The following LRRC37A2 variants were observed in gnomAD, a reference collection of about 807,000 sequenced individuals.
LRRC37A2 encodes the protein leucine-rich repeat-containing protein 37A2.
Under a neutral mutation model 68.8 loss-of-function variants are expected in LRRC37A2, and 9 were observed. The ratio of observed to expected loss-of-function variants is 0.13; its 90% confidence interval spans 0.08 to 0.23. The LOEUF (loss-of-function observed/expected upper bound fraction) is 0.23. Ranked by LOEUF, LRRC37A2 falls within the 10% of genes least tolerant of loss-of-function variation. LRRC37A2 has a pLI of 1.00. For missense variants in LRRC37A2, 168 were observed against 950.4 expected (o/e 0.18, Z 10.82); for synonymous variants, 63 against 367.6 (o/e 0.17, Z 9.48).
chr17:46,969,305 C>G, the LRRC37A2 span, among the ~76,000 whole-genome samples: 1 of 152,208 alleles, frequency 6.6e-6, no homozygotes, highest in Non-Finnish European at 1.5e-5. Flanking sequence ...TCCTTGTGCC[C>G]CCTGGGGGGC....
At chr17:46,768,309 T>C in the LRRC37A2 span, 2 of 1,613,256 alleles carry the variant, frequency 1.2e-6, no homozygotes, top group Admixed American at 3.3e-5. This position sits in a 1 kb window ranked among gnomAD's most constrained non-coding sequence, Gnocchi z 5.0. Context: ...CCCGGAGCCC[T>C]ACCTGGTGCC....
At chr17:46,838,676 A>G in the LRRC37A2 span, among the ~76,000 whole-genome samples, 6 of 152,124 alleles carry the variant, frequency 3.9e-5, no homozygotes, top group Non-Finnish European at 8.8e-5. Flanking sequence ...TAAAAAGTAC[A>G]TATACACACA....
the LRRC37A2 span, among the ~76,000 whole-genome samples, chr17:46,892,770 A>C: frequency 6.6e-6 from 1 of 152,244 alleles, no homozygotes; most frequent in African/African-American, 2.4e-5. Context: ...AAGGATGGAC[A>C]AAAAAAGGCA....
chr17:46,899,936 C>T, the LRRC37A2 span, among the ~76,000 whole-genome samples: 1 of 151,558 alleles, frequency 6.6e-6, no homozygotes, highest in African/African-American at 2.4e-5. Context: ...TATAGGGGTA[C>T]AACCTCAGCT....
the LRRC37A2 span, among the ~76,000 whole-genome samples, chr17:47,015,778 A>T: frequency 5.6e-4 from 85 of 152,238 alleles, no homozygotes; most frequent in East Asian, 6.9e-3. Flanking sequence ...GTAAAATAAT[A>T]ATTTTAATTC....
At chr17:46,823,202 A>G in the LRRC37A2 span, among the ~76,000 whole-genome samples, 6 of 131,616 alleles carry the variant, frequency 4.6e-5, no homozygotes, top group African/African-American at 5.9e-5. Flanking sequence ...ATATATTTAT[A>G]TATAATATAT....
the LRRC37A2 span, among the ~76,000 whole-genome samples, chr17:47,034,269 C>G: frequency 2.6e-5 from 4 of 152,224 alleles, no homozygotes; most frequent in Non-Finnish European, 5.9e-5. Flanking sequence ...AGTCCTCAAA[C>G]TTGAGCCATT....
chr17:46,723,332 C>T, the LRRC37A2 span, among the ~76,000 whole-genome samples: 2 of 152,112 alleles, frequency 1.3e-5, no homozygotes, highest in African/African-American at 2.4e-5. Context: ...TTTTGAAAAG[C>T]AAAGCATTAT....
At chr17:46,812,223 T>C in the LRRC37A2 span, among the ~76,000 whole-genome samples, 2 of 151,982 alleles carry the variant, frequency 1.3e-5, no homozygotes, top group South Asian at 4.1e-4. Context: ...GGCAGCGGGA[T>C]AAAGAAGGAC....
chr17:46,585,332 AAGAG>A, the LRRC37A2 span, among the ~76,000 whole-genome samples: 8 of 65,038 alleles, frequency 1.2e-4, no homozygotes, highest in East Asian at 5.6e-4. Context: ...AAAAAAAAAA[AAGAG>A]AGAGAGAGAG....
chr17:46,457,570 G>T, the LRRC37A2 span, among the ~76,000 whole-genome samples: 1 of 92,162 alleles, frequency 1.1e-5, no homozygotes, highest in African/African-American at 3.7e-5. Context: ...AAAGCAGATT[G>T]CCCTCCCTAA....
the LRRC37A2 span, among the ~76,000 whole-genome samples, chr17:46,990,394 G>C: frequency 1.3e-5 from 2 of 152,256 alleles, no homozygotes; most frequent in Admixed American, 6.5e-5. Flanking sequence ...AAAGATCTTT[G>C]CCAATGTCCT....
the LRRC37A2 span, among the ~76,000 whole-genome samples, chr17:46,727,868 C>T: frequency 6.6e-6 from 1 of 152,202 alleles, no homozygotes; most frequent in Non-Finnish European, 1.5e-5. Flanking sequence ...TCAATAAGCA[C>T]TTGCTGAGCC....
chr17:46,774,355 C>T, the LRRC37A2 span, among the ~76,000 whole-genome samples: 1 of 152,214 alleles, frequency 6.6e-6, no homozygotes, highest in Admixed American at 6.5e-5. Flanking sequence ...GGGACACGCG[C>T]GCGCGCGCAC....
the LRRC37A2 span, chr17:46,749,755 T>G: frequency 6.2e-6 from 10 of 1,606,864 alleles, no homozygotes; most frequent in Non-Finnish European, 8.5e-6. Flanking sequence ...TTTTAACACA[T>G]TTTCTCCCTA....
At chr17:46,541,220 C>A (rs949307794) in intron 8 of LRRC37A2, among the ~76,000 whole-genome samples, 2 of 149,414 alleles carry the variant, frequency 1.3e-5, no homozygotes, top group African/African-American at 2.6e-5. Flanking sequence ...TAGCACATAG[C>A]CTCTTGTGTT....
At chr17:46,970,262 C>T in the LRRC37A2 span, among the ~76,000 whole-genome samples, 76 of 152,204 alleles carry the variant, frequency 5.0e-4, no homozygotes, top group African/African-American at 1.7e-3. Context: ...CAAGAAAGAC[C>T]AGCCGCGGTG....
the LRRC37A2 span, among the ~76,000 whole-genome samples, chr17:46,835,066 C>G: frequency 6.6e-6 from 1 of 152,230 alleles, no homozygotes; most frequent in Non-Finnish European, 1.5e-5. Context: ...GCGATCAGTG[C>G]TCACTGTAGC....
chr17:46,861,281 T>C, the LRRC37A2 span, among the ~76,000 whole-genome samples: 2 of 152,352 alleles, frequency 1.3e-5, no homozygotes, highest in South Asian at 4.1e-4. Context: ...AATTCACTTG[T>C]AGTTTCCTTT....
Sources: allele counts gnomAD v4.1 joint callset (sites outside exome capture counted in the v4.1 genomes callset), GRCh38; gene constraint gnomAD v4.1.1; non-coding constraint Gnocchi (gnomAD v3.1); transcripts MANE v1.5; gene names NCBI Gene and HGNC (gene_info 2026-07-23, HGNC 2026-07-21).